Variants in EIF2AK4 observed in about 807,000 individuals in gnomAD.
The protein encoded by EIF2AK4 is eukaryotic translation initiation factor 2 alpha kinase 4.
In EIF2AK4, 139 loss-of-function variants were observed where a neutral mutation model predicts 211.1. The observed-to-expected ratio is 0.66, with a 90% CI of 0.57 to 0.76. The LOEUF (loss-of-function observed/expected upper bound fraction) is 0.76, where lower values mean the gene tolerates loss of function less well. Ranked by LOEUF, EIF2AK4 falls within the 30% of genes least tolerant of loss-of-function variation. The pLI is 0.00. For missense variants in EIF2AK4, 1,664 were observed against 2,043.8 expected, an observed-to-expected ratio of 0.81 and a Z score of 3.58; for synonymous variants, 710 against 751.3, an observed-to-expected ratio of 0.94 and a Z score of 0.90.
At chr15:40,011,130 AT>A in intron 26 of EIF2AK4, 150 bp from the exon 27 acceptor site, 1 of 527,452 alleles carries the variant, frequency 1.9e-6, no homozygotes, top group African/African-American at 2.0e-5. Context: ...GGGAGAAAAA[AT>A]TTTTTAATCA....
chr15:40,001,826 C>G (rs575278962), intron 21 of EIF2AK4, among the ~76,000 whole-genome samples: 1 of 152,106 alleles, frequency 6.6e-6, no homozygotes, highest in African/African-American at 2.4e-5. Context: ...TCTAGTGGCT[C>G]AGAATCTCCA....
intron 1 of EIF2AK4, among the ~76,000 whole-genome samples, chr15:39,937,009 A>G (rs2140894575): frequency 6.6e-6 from 1 of 152,264 alleles, no homozygotes; most frequent in African/African-American, 2.4e-5. Flanking sequence ...TAGCATATGT[A>G]TATCATTTAT....
intron 20 of EIF2AK4, among the ~76,000 whole-genome samples, chr15:40,000,146 T>C (rs2035071444): frequency 6.6e-6 from 1 of 152,224 alleles, no homozygotes; most frequent in Non-Finnish European, 1.5e-5. Context: ...TAGGGTATTC[T>C]TGTTTTTGTC....
At chr15:39,943,926 G>C (rs1416291986) in intron 3 of EIF2AK4, among the ~76,000 whole-genome samples, 1 of 151,986 alleles carries the variant, frequency 6.6e-6, no homozygotes, top group Non-Finnish European at 1.5e-5. Flanking sequence ...CTTCACTCCA[G>C]CCTGGGCCAT....
At chr15:40,020,165 C>CAAA (rs34522012) in intron 30 of EIF2AK4, among the ~76,000 whole-genome samples, 1 of 132,360 alleles carries the variant, frequency 7.6e-6, no homozygotes, top group African/African-American at 2.8e-5. Flanking sequence ...CAGACCCTGT[C>CAAA]AAAAAAAAAA....
At chr15:40,004,527 A>G (rs1368326580) in intron 23 of EIF2AK4, among the ~76,000 whole-genome samples, 1 of 152,088 alleles carries the variant, frequency 6.6e-6, no homozygotes, top group Non-Finnish European at 1.5e-5. Context: ...TGGGCAACAT[A>G]GGAAGACCCC....
At chr15:40,004,634 A>C (rs531433598) in intron 23 of EIF2AK4, among the ~76,000 whole-genome samples, 1 of 152,350 alleles carries the variant, frequency 6.6e-6, no homozygotes, top group African/African-American at 2.4e-5. Flanking sequence ...GGTTGAGCCC[A>C]GGAAGTCAAG....
chr15:40,028,925 T>C (rs2035501858), intron 33 of EIF2AK4, among the ~76,000 whole-genome samples: 1 of 152,246 alleles, frequency 6.6e-6, no homozygotes, highest in South Asian at 2.1e-4. Flanking sequence ...GTTGTCTCTC[T>C]CAAAGGCTAT....
intron 33 of EIF2AK4, among the ~76,000 whole-genome samples, chr15:40,028,079 C>CTT (rs35186495): frequency 3.0e-4 from 43 of 144,112 alleles, no homozygotes; most frequent in South Asian, 1.1e-3. Context: ...TTTGCAACTC[C>CTT]TTTTTTTTTT....
chr15:39,992,452 C>T lies in EIF2AK4; in HGVS notation c.2686+223C>T, dbSNP rs2034956643. 5.7e-6 allele frequency: 3 copies of T among 529,414 alleles called. No homozygotes were observed. In the African/African-American group the frequency reaches 5.7e-5, roughly 10 times the overall value. The allele number at this position is 529,414 out of a possible 1,614,324, so 32.8% of individuals were successfully genotyped here. On this transcript the variant is annotated intron_variant, in intron 17 of 38. Transcript: ENST00000263791. Reference sequence around the variant, plus strand: ...GAGCTTCAGTGAGTAGAATAATTGGCTCCCAGGGGTAGACAGTTTTATTTT... The same window carrying T: ...GAGCTTCAGTGAGTAGAATAATTGGTTCCCAGGGGTAGACAGTTTTATTTT...
intron 6 of EIF2AK4, among the ~76,000 whole-genome samples, chr15:39,960,118 C>A (rs547372777): frequency 6.7e-6 from 1 of 148,220 alleles, no homozygotes; most frequent in South Asian, 2.1e-4. Flanking sequence ...GAGCCAAGAT[C>A]GCGCCACTGC....
intron 15 of EIF2AK4, 122 bp from the exon 16 acceptor site, chr15:39,990,151 G>C (rs2034922445): frequency 2.4e-6 from 2 of 844,760 alleles, no homozygotes; most frequent in Non-Finnish European, 3.9e-6. Flanking sequence ...GCCTGGACCA[G>C]GGTGGTCTGT....
chr15:39,957,850 G>T (rs1458041969), intron 6 of EIF2AK4, among the ~76,000 whole-genome samples: 1 of 152,054 alleles, frequency 6.6e-6, no homozygotes, highest in Non-Finnish European at 1.5e-5. Context: ...GATCTGTGGG[G>T]TATGTAAAAA....
intron 3 of EIF2AK4, among the ~76,000 whole-genome samples, chr15:39,948,422 GATTT>G (rs1448730101): frequency 6.6e-6 from 1 of 152,146 alleles, no homozygotes; most frequent in East Asian, 1.9e-4. Flanking sequence ...TTGTTCTATT[GATTT>G]ATCAACCTAA....
chr15:40,020,506 G>GTATA (rs1460235428), intron 30 of EIF2AK4: 1 of 56,282 alleles, frequency 1.8e-5, no homozygotes, highest in Admixed American at 2.2e-4. Context: ...ATATATATAT[G>GTATA]TATATATATT....
intron 21 of EIF2AK4, 129 bp from the exon 22 acceptor site, chr15:40,002,584 A>T: frequency 1.1e-6 from 1 of 881,252 alleles, no homozygotes; most frequent in Non-Finnish European, 1.9e-6. Flanking sequence ...AGAGGGATGG[A>T]CTTGTCAAGA....
At chr15:39,940,916 C>T (rs1220960893) in intron 2 of EIF2AK4, among the ~76,000 whole-genome samples, 2 of 152,134 alleles carry the variant, frequency 1.3e-5, no homozygotes, top group African/African-American at 2.4e-5. Flanking sequence ...TTCCACCACC[C>T]CCTCCTAAGT....
intron 37 of EIF2AK4, among the ~76,000 whole-genome samples, chr15:40,033,569 C>T (rs1303482844): frequency 2.0e-5 from 3 of 152,128 alleles, no homozygotes; most frequent in Non-Finnish European, 4.4e-5. Context: ...TGTTTAGTCA[C>T]AAATTAAATT....
intron 6 of EIF2AK4, among the ~76,000 whole-genome samples, chr15:39,960,862 A>G (rs146639591): frequency 2.6e-5 from 4 of 152,334 alleles, no homozygotes; most frequent in African/African-American, 4.8e-5. Flanking sequence ...TAGGAGGAAC[A>G]ATAGAAATTG....
Sources: allele counts gnomAD v4.1 joint callset (sites outside exome capture counted in the v4.1 genomes callset), GRCh38; gene constraint gnomAD v4.1.1; transcripts MANE v1.5; gene names NCBI Gene and HGNC (gene_info 2026-07-23, HGNC 2026-07-21).